The following CLEC16A variants were observed in gnomAD, a reference collection of about 807,000 sequenced individuals.
CLEC16A encodes C-type lectin domain containing 16A.
CLEC16A carries 51 observed loss-of-function variants against 109.5 expected under a neutral mutation model. The ratio of observed to expected loss-of-function variants is 0.47; its 90% CI spans 0.37 to 0.59. The LOEUF (loss-of-function observed/expected upper bound fraction) is 0.59. Among genes scored for constraint, CLEC16A ranks in the 20% least tolerant of loss-of-function variants. The pLI is 0.00. For missense variants in CLEC16A, 1,339 were observed against 1,394.0 expected, an observed-to-expected ratio of 0.96 and a Z score of 0.63; for synonymous variants, 673 against 564.2, an observed-to-expected ratio of 1.19 and a Z score of -2.73.
At chr16:11,137,808 C>A (rs1732751598) in intron 22 of CLEC16A, among the ~76,000 whole-genome samples, 1 of 151,054 alleles carries the variant, frequency 6.6e-6, no homozygotes, top group Non-Finnish European at 1.5e-5. Context: ...GACTCCCTCT[C>A]AAAAAAAAGG....
rs2047511785 is a variant in CLEC16A at position 11,044,264 on chromosome 16, T to A, written c.1815+192T>A. The A allele has an allele frequency of 1.2e-5, 5 of 421,826 alleles. No homozygotes were observed. In the Admixed American group the frequency reaches 2.1e-4, roughly 18 times the overall value. The allele number at this position is 421,826 out of a possible 1,614,324, so 26.1% of individuals were successfully genotyped here. A position where few individuals can be genotyped will look rare whatever the true frequency, so the allele number is the denominator to read the frequency against. The stretch of plus-strand genomic sequence containing the variant: ...AAACTTTTCTGTCCAAGCTGTCTTA[T>A]CAGTAAAATTTTTGAGGACTCAGCC... On this transcript the variant is annotated intron_variant, in intron 16 of 23. Coordinates refer to ENST00000409790, the MANE Select transcript of CLEC16A (RefSeq NM_015226.3).
intron 18 of CLEC16A, among the ~76,000 whole-genome samples, chr16:11,052,479 C>G (rs1371840042): frequency 2.6e-5 from 4 of 152,194 alleles, no homozygotes; most frequent in Non-Finnish European, 5.9e-5. Context: ...CTCCCTGCAG[C>G]TGGTGGTTCT....
chr16:11,114,123 A>ATGGCCG (rs2051798590), intron 19 of CLEC16A, among the ~76,000 whole-genome samples: 1 of 116,118 alleles, frequency 8.6e-6, no homozygotes, highest in African/African-American at 3.7e-5. Flanking sequence ...TCCCATGAGG[A>ATGGCCG]TGGCCGTGTG....
In CLEC16A at chr16:10,973,036, G is replaced by A. The variant is rs1456547254; in HGVS notation, c.703G>A (p.Asp235Asn). 1.9e-6 allele frequency: 3 copies of A among 1,608,328 alleles called. No individual in the cohort carries two copies. Among genetic ancestry groups the A allele is most frequent in the East Asian group, 2.2e-5 (1 of 44,828 alleles). The change falls in exon 7 of 24, where the codon GAT becomes AAT. Residue 235 changes from aspartate (D) to asparagine (N), a missense_variant. Coordinates refer to ENST00000409790, the MANE Select transcript of CLEC16A (RefSeq NM_015226.3). Reference protein sequence around the residue: ...WFIGSHVIELDDCVQTDEEHR... With the variant: ...WFIGSHVIELNDCVQTDEEHR... Reference sequence around the variant, plus strand: ...CATTGGGAGCCATGTGATCGAACTCGATGACTGCGTGCAGACTGATGAGGA... The same window carrying A: ...CATTGGGAGCCATGTGATCGAACTCAATGACTGCGTGCAGACTGATGAGGA...
intron 19 of CLEC16A, among the ~76,000 whole-genome samples, chr16:11,090,462 G>A (rs1284912382): frequency 3.3e-5 from 5 of 152,138 alleles, no homozygotes; most frequent in South Asian, 2.1e-4. Context: ...CTCAGGCAGC[G>A]GAGTGATGTT....
chr16:11,091,514 G>T (rs2050303173), intron 19 of CLEC16A, among the ~76,000 whole-genome samples: 1 of 152,176 alleles, frequency 6.6e-6, no homozygotes, highest in East Asian at 1.9e-4. Flanking sequence ...ACCTCTGCAG[G>T]GCTGTCCTGA....
chr16:11,115,748 T>C (rs1567339951), intron 19 of CLEC16A, among the ~76,000 whole-genome samples: 1 of 152,126 alleles, frequency 6.6e-6, no homozygotes, highest in Non-Finnish European at 1.5e-5. Flanking sequence ...ATATGATGAC[T>C]TCCTTTTTTA....
intron 19 of CLEC16A, among the ~76,000 whole-genome samples, chr16:11,093,082 C>G (rs1339330640): frequency 6.6e-6 from 1 of 152,198 alleles, no homozygotes; most frequent in South Asian, 2.1e-4. Context: ...CTGTACCCCC[C>G]ACCACCTCCA....
intron 21 of CLEC16A, among the ~76,000 whole-genome samples, chr16:11,125,456 A>T (rs1471302781): frequency 6.6e-6 from 1 of 152,182 alleles, no homozygotes; most frequent in Non-Finnish European, 1.5e-5. Context: ...GTATGGATAT[A>T]TTGGGAGGTT....
At chr16:11,083,902 C>A (rs1210376032) in intron 19 of CLEC16A, among the ~76,000 whole-genome samples, 1 of 152,292 alleles carries the variant, frequency 6.6e-6, no homozygotes, top group East Asian at 1.9e-4. Context: ...TGTGTTCTAC[C>A]CGGAATGGAA....
chr16:11,148,980 A>T (rs71381195), intron 22 of CLEC16A, among the ~76,000 whole-genome samples: 15,051 of 152,274 alleles, frequency 0.099, 814 homozygotes, highest in African/African-American at 0.14. Flanking sequence ...AAAAACTAAT[A>T]GAGTTTCCCG....
At chr16:10,994,295 A>T (rs2147151071) in intron 10 of CLEC16A, among the ~76,000 whole-genome samples, 1 of 152,250 alleles carries the variant, frequency 6.6e-6, no homozygotes, top group East Asian at 1.9e-4. Flanking sequence ...TGCATTCTTC[A>T]TGCATGTTGG....
At chr16:11,063,404 G>T (rs546263951) in intron 19 of CLEC16A, among the ~76,000 whole-genome samples, 1 of 151,854 alleles carries the variant, frequency 6.6e-6, no homozygotes, top group Admixed American at 6.5e-5. Flanking sequence ...CAAAATACAG[G>T]TGAAGGACAG....
chr16:11,154,297 G>C (rs775307838), intron 22 of CLEC16A, among the ~76,000 whole-genome samples: 6 of 152,198 alleles, frequency 3.9e-5, no homozygotes, highest in Non-Finnish European at 8.8e-5. Flanking sequence ...ATTGGCAGTT[G>C]CATATGGTTC....
chr16:11,084,069 C>T (rs750583873), intron 19 of CLEC16A, among the ~76,000 whole-genome samples: 11 of 152,140 alleles, frequency 7.2e-5, no homozygotes, highest in Non-Finnish European at 1.5e-4. Context: ...TCTCCAGCCC[C>T]GCGGCCTGGC....
rs192252383 is a variant in CLEC16A at position 11,145,741 on chromosome 16, C to T, written c.2641+19595C>T. 1.4e-3 allele frequency among the ~76,000 whole-genome samples: 214 copies of T among 152,374 alleles called. 1 individual carries two copies. The highest frequency in any genetic ancestry group is 4.7e-3 in the African/African-American group (196 of 41,586). The stretch of plus-strand genomic sequence containing the variant: ...CTCCTGACCTTGGCCAAGCCTGGGC[C>T]GGTGGCTTTAAACTCAGCCCCACTG... On this transcript the variant is annotated intron_variant, in intron 22 of 23. Transcript: ENST00000409790.
intron 1 of CLEC16A, among the ~76,000 whole-genome samples, chr16:10,947,124 C>T (rs970704558): frequency 5.3e-5 from 8 of 152,332 alleles, no homozygotes; most frequent in South Asian, 4.1e-4. Flanking sequence ...CTTTGGAAAC[C>T]CAAGTTGCCT....
intron 21 of CLEC16A, among the ~76,000 whole-genome samples, chr16:11,125,738 C>T (rs1597471947): frequency 6.6e-6 from 1 of 152,216 alleles, no homozygotes; most frequent in East Asian, 1.9e-4. Context: ...AAACCCCTTT[C>T]TCCTTGGTCT....
chr16:10,960,148 T>A (rs8059370), intron 2 of CLEC16A, among the ~76,000 whole-genome samples: 2,447 of 152,316 alleles, frequency 0.016, 65 homozygotes, highest in African/African-American at 0.056. Context: ...CTGGGGTGAA[T>A]TGGGCAAAAC....
Sources: allele counts gnomAD v4.1 joint callset (sites outside exome capture counted in the v4.1 genomes callset), GRCh38; gene constraint gnomAD v4.1.1; transcripts MANE v1.5; gene names NCBI Gene and HGNC (gene_info 2026-07-23, HGNC 2026-07-21).